The following TRIP13 variants were observed in gnomAD, a reference collection of about 807,000 sequenced individuals.
TRIP13 encodes thyroid hormone receptor interactor 13.
In TRIP13, 25 loss-of-function variants were observed where a neutral mutation model predicts 54.4. The observed-to-expected ratio is 0.46, with a 90% CI of 0.33 to 0.64. TRIP13 has a LOEUF of 0.64. Ranked by LOEUF, TRIP13 falls within the 30% of genes least tolerant of loss-of-function variation. TRIP13 has a pLI of 0.02. For missense variants in TRIP13, 373 were observed against 534.2 expected (o/e 0.70, Z 2.97); for synonymous variants, 207 against 207.8 (o/e 1.00, Z 0.03).
chr5:906,793 C>G (rs917281782), intron 6 of TRIP13, among the ~76,000 whole-genome samples: 2 of 152,144 alleles, frequency 1.3e-5, no homozygotes, highest in Non-Finnish European at 2.9e-5. Flanking sequence ...CAGCTCCTGC[C>G]AAAAGCTCTT....
chr5:904,332 G>A, intron 6 of TRIP13, 112 bp downstream of exon 6: 1 of 840,214 alleles, frequency 1.2e-6, no homozygotes, highest in East Asian at 2.7e-5. Flanking sequence ...CCTCTCCACT[G>A]TAAGTCACTT....
At position 911,453 on chromosome 5, in the gene TRIP13, C is replaced by T. The variant is rs547279761; in HGVS notation, c.867-390C>T. ...GGGCACGGTGGCGGGCGCCTGTAGT[C>T]CCGGCTACTTGGGAGGCTGAGGCAG... On this transcript the variant is annotated intron_variant, in intron 9 of 12. Coordinates refer to ENST00000166345, the MANE Select transcript of TRIP13 (RefSeq NM_004237.4). This position sits in a 1 kb window ranked among gnomAD's most constrained non-coding sequence, Gnocchi z 4.7. Among the ~76,000 whole-genome samples the T allele has an allele frequency of 1.3e-5, 2 of 152,240 alleles. No homozygotes were observed. Among genetic ancestry groups the T allele is most frequent in the South Asian group, 4.2e-4 (2 of 4,816 alleles).
chr5:916,087 C>A, intron 12 of TRIP13, 114 bp downstream of exon 12: 1 of 1,124,542 alleles, frequency 8.9e-7, no homozygotes, highest in Non-Finnish European at 1.3e-6. Context: ...AGTTTCTAAA[C>A]CACAGGGTCC....
chr5:909,358 C>T (rs1263332347), intron 9 of TRIP13, among the ~76,000 whole-genome samples: 1 of 152,188 alleles, frequency 6.6e-6, no homozygotes, highest in Non-Finnish European at 1.5e-5. Flanking sequence ...TTCTTTCTGT[C>T]CTCAGGGTGC....
intron 5 of TRIP13, among the ~76,000 whole-genome samples, chr5:902,043 C>T (rs1329815143): frequency 1.3e-5 from 2 of 152,210 alleles, no homozygotes; most frequent in East Asian, 3.8e-4. Context: ...TTTTTTCCTA[C>T]AGACATTCCT....
chr5:911,123 A>G lies in TRIP13; in HGVS notation c.867-720A>G, dbSNP rs552431177. The stretch of plus-strand genomic sequence containing the variant: ...AGACCAGACAACAGGGGCTCTCTCT[A>G]TGGAGTTTAGACGCTAGAGGGGAGA... On this transcript the variant is annotated intron_variant, in intron 9 of 12. Transcript: ENST00000166345. This position sits in a 1 kb window ranked among gnomAD's most constrained non-coding sequence, Gnocchi z 4.7. Among the ~76,000 whole-genome samples the G allele has an allele frequency of 7.2e-5, 11 of 152,236 alleles. No individual in the cohort carries two copies. In the South Asian group the frequency reaches 1.5e-3, roughly 20 times the overall value.
Position 915,874 on chromosome 5 carries a change from C to T in TRIP13, c.1134-30C>T. On this transcript the variant is annotated intron_variant, in intron 11 of 12. Coordinates refer to ENST00000166345, the MANE Select transcript of TRIP13 (RefSeq NM_004237.4). The surrounding 1 kb of genome is among the most constrained non-coding windows in gnomAD (Gnocchi z 4.2). ...CTGAAACGTGTGATTGTATAAATTGCTGTCTCTGAACTGGGTTTTCTTTAC... is the reference window on the plus strand; with the variant it reads ...CTGAAACGTGTGATTGTATAAATTGTTGTCTCTGAACTGGGTTTTCTTTAC... 1 of 1,612,036 alleles carries T rather than the reference C, an allele frequency of 6.2e-7. No homozygotes were observed. Among genetic ancestry groups the T allele is most frequent in the Non-Finnish European group, 8.5e-7 (1 of 1,178,112 alleles).
chr5:896,899 A>T (rs1753929224), intron 3 of TRIP13, 105 bp downstream of exon 3: 26 of 1,297,060 alleles, frequency 2.0e-5, no homozygotes, highest in Non-Finnish European at 2.7e-5. Context: ...TTTGTTTTGT[A>T]GGATTTTAGG....
intron 9 of TRIP13, among the ~76,000 whole-genome samples, chr5:910,371 G>A (rs775182912): frequency 2.4e-4 from 37 of 152,158 alleles, no homozygotes; most frequent in African/African-American, 5.3e-4. Flanking sequence ...CTCTCCTGGC[G>A]TGTGCCCCTT....
chr5:908,692 C>G lies in TRIP13; in HGVS notation c.866+231C>G, dbSNP rs1754168658. The G allele has an allele frequency of 7.7e-7, 1 of 1,293,976 alleles. No individual in the cohort carries two copies. The highest frequency in any genetic ancestry group is 1.5e-5 in the African/African-American group (1 of 66,226). 80.2% of individuals were successfully genotyped at this position (1,293,976 alleles called of 1,614,324 possible). On this transcript the variant is annotated intron_variant, in intron 9 of 12. Coordinates refer to ENST00000166345, the MANE Select transcript of TRIP13 (RefSeq NM_004237.4). The surrounding 1 kb of genome is among the most constrained non-coding windows in gnomAD (Gnocchi z 5.2). ...TGTAATAGAAGGCCAGGCGCGGTGG[C>G]TCACACCTGTAATCCCAGCACTTTG...
At chr5:895,004 T>C (rs766373658) in intron 2 of TRIP13, 52 bp downstream of exon 2, 4 of 1,532,416 alleles carry the variant, frequency 2.6e-6, no homozygotes, top group Non-Finnish European at 3.5e-6. Context: ...TACAAAAGGT[T>C]GTATCATGAA....
rs1418450637 is a variant in TRIP13, at chr5:913,341, G to A, written c.1021-1124G>A. Among the ~76,000 whole-genome samples the A allele has an allele frequency of 1.3e-5, 2 of 152,098 alleles. No homozygotes were observed. The highest frequency in any genetic ancestry group is 2.9e-5 in the Non-Finnish European group (2 of 68,014). ...ATGGACTTTTTCTGGGACAGTGTAG[G>A]ACAGGGGTAGTTTTTTGTTTGTTTG... is the stretch of plus-strand genomic sequence containing the variant. On this transcript the variant is annotated intron_variant, in intron 10 of 12. Transcript: ENST00000166345. The surrounding 1 kb of genome is among the most constrained non-coding windows in gnomAD (Gnocchi z 4.5).
At chr5:893,163 AC>A in intron 1 of TRIP13, 73 bp downstream of exon 1, 1 of 1,174,426 alleles carries the variant, frequency 8.5e-7, no homozygotes, top group Non-Finnish European at 1.1e-6. Flanking sequence ...CCGAGCCCCG[AC>A]CCCAGCGCAC....
rs193088237 is a variant in TRIP13 at position 914,445 on chromosome 5, C to T, written c.1021-20C>T. The T allele has an allele frequency of 6.1e-5, 98 of 1,594,302 alleles. No homozygotes were observed. In the East Asian group the frequency reaches 1.9e-3, roughly 30 times the overall value. On this transcript the variant is annotated intron_variant, in intron 10 of 12. Transcript: ENST00000166345. ...GGCCTCTGTGGACTCAGCTAACCGC[C>T]TGTACTTCTGTCTCCCCAGTGTCAG... is the stretch of plus-strand genomic sequence containing the variant.
rs1264461073 is a variant in TRIP13, at chr5:911,079, T to C, written c.867-764T>C. ...CGCTCTGCTGGCTCATGCTGGGTCC[T>C]TGGGGGACATTGGTCAACAGACCAG... On this transcript the variant is annotated intron_variant, in intron 9 of 12. Coordinates refer to ENST00000166345, the MANE Select transcript of TRIP13 (RefSeq NM_004237.4). This position sits in a 1 kb window ranked among gnomAD's most constrained non-coding sequence, Gnocchi z 4.7. Among the ~76,000 whole-genome samples the C allele has an allele frequency of 4.6e-5, 7 of 152,218 alleles. No homozygotes were observed. The highest frequency in any genetic ancestry group is 1.0e-4 in the Non-Finnish European group (7 of 68,032).
At chr5:901,530 T>G (rs1421037050) in intron 5 of TRIP13, 99 bp downstream of exon 5, 1 of 1,127,778 alleles carries the variant, frequency 8.9e-7, no homozygotes, top group Non-Finnish European at 1.3e-6. Context: ...CTCTTTGTTT[T>G]CTGAAGGAGC....
chr5:908,474 T>G lies in TRIP13; in HGVS notation c.866+13T>G, dbSNP rs768906628. 1 of 1,613,228 alleles carries G rather than the reference T, an allele frequency of 6.2e-7. No homozygotes were observed. Among genetic ancestry groups the G allele is most frequent in the South Asian group, 1.1e-5 (1 of 91,076 alleles). ...ATCAGATTAAAAGGTAACCAGGACA[T>G]GCAGCAATTTTCCCTGAGAAGTGAT... is the stretch of plus-strand genomic sequence containing the variant. On this transcript the variant is annotated intron_variant, in intron 9 of 12. Transcript: ENST00000166345. This position sits in a 1 kb window ranked among gnomAD's most constrained non-coding sequence, Gnocchi z 5.2.
At position 896,693 on chromosome 5, in the gene TRIP13, C is replaced by G; in HGVS notation, c.287C>G (p.Ala96Gly). 6.2e-7 allele frequency: 1 copy of G among 1,613,768 alleles called. No homozygotes were observed. Among genetic ancestry groups the G allele is most frequent in the Non-Finnish European group, 8.5e-7 (1 of 1,179,778 alleles). Residue 96 changes from alanine to glycine, a missense_variant, in exon 3 of 13, where the codon GCA becomes GGA. Coordinates refer to ENST00000166345, the MANE Select transcript of TRIP13 (RefSeq NM_004237.4). ...QPIDLSACTV[A>G]LHIFQLNEDG... The stretch of plus-strand genomic sequence containing the variant: ...ATCGATTTGAGTGCATGCACTGTTG[C>G]ACTTCACATTTTCCAGCTGAATGAA...
Position 917,204 on chromosome 5 carries a change from C to T in TRIP13, c.*101C>T. 1 of 1,122,256 alleles carries T rather than the reference C, an allele frequency of 8.9e-7. No homozygotes were observed. The highest frequency in any genetic ancestry group is 1.5e-5 in the South Asian group (1 of 67,576). The allele number at this position is 1,122,256 out of a possible 1,614,324, so 69.5% of individuals were successfully genotyped here. On this transcript the variant is annotated 3_prime_UTR_variant, in exon 13 of 13. Transcript: ENST00000166345. ...CTCCCAGGGAATCCCTTCTGCAAAC[C>T]AAACGTTACTTAGACTGCAAGCTAG...
Sources: gnomAD v4.1 joint callset for allele counts (sites outside exome capture counted in the v4.1 genomes callset) on GRCh38, gnomAD v4.1.1 for gene constraint, Gnocchi (gnomAD v3.1) non-coding constraint, MANE v1.5 for transcripts, NCBI Gene and HGNC (gene_info 2026-07-23, HGNC 2026-07-21) for gene names.